ASPH: variants seen among roughly 807,000 people sequenced by gnomAD.
The protein encoded by ASPH is aspartate beta-hydroxylase, also known as aspartyl/asparaginyl beta-hydroxylase.
In ASPH, 100 loss-of-function variants were observed where a neutral mutation model predicts 118.4. The observed-to-expected ratio is 0.84, with a 90% CI of 0.72 to 1.00. ASPH has a LOEUF of 1.00. Among genes scored for constraint, ASPH ranks in the 50% least tolerant of loss-of-function variants. ASPH has a pLI of 0.00. For synonymous variants in ASPH, 315 were observed against 325.6 expected (o/e 0.97, Z 0.35); for missense variants, 920 against 919.5 (o/e 1.00, Z -0.01).
intron 21 of ASPH, among the ~76,000 whole-genome samples, chr8:61,529,543 C>A (rs1435703521): frequency 6.6e-6 from 1 of 152,182 alleles, no homozygotes; most frequent in African/African-American, 2.4e-5. Flanking sequence ...GGGGGGAAAT[C>A]CGGGATGGGA....
chr8:61,669,932 C>T (rs1295384027), intron 3 of ASPH, among the ~76,000 whole-genome samples: 1 of 152,140 alleles, frequency 6.6e-6, no homozygotes, highest in Non-Finnish European at 1.5e-5. Context: ...CAGTGCTGTG[C>T]TTTATTTTAA....
chr8:61,682,517 T>C, intron 2 of ASPH: 1 of 1,588,044 alleles, frequency 6.3e-7, no homozygotes, highest in East Asian at 2.2e-5. Flanking sequence ...AACTGTTATT[T>C]GTGCTTAAAG....
At chr8:61,646,473 C>T (rs1196047023) in intron 6 of ASPH, among the ~76,000 whole-genome samples, 1 of 152,042 alleles carries the variant, frequency 6.6e-6, no homozygotes, top group Non-Finnish European at 1.5e-5. Flanking sequence ...CAAATAGCAC[C>T]CTAAGCAGAA....
intron 14 of ASPH, among the ~76,000 whole-genome samples, chr8:61,616,076 A>C (rs1588129652): frequency 6.6e-6 from 1 of 152,190 alleles, no homozygotes; most frequent in Non-Finnish European, 1.5e-5. Flanking sequence ...TTAATAAAAT[A>C]CTTTAGTTAC....
Position 61,503,474 on chromosome 8 carries a change from T to C in ASPH, c.2162A>G (p.Asp721Gly). 1 of 1,612,046 alleles carries C rather than the reference T, an allele frequency of 6.2e-7. No homozygotes were observed. Among genetic ancestry groups the C allele is most frequent in the East Asian group, 2.2e-5 (1 of 44,722 alleles). The change falls in exon 25 of 25, where the codon GAC becomes GGC. Residue 721 changes from aspartate to glycine, a missense_variant. By Grantham distance (94) the Asp-to-Gly change is moderately conservative (BLOSUM62 -1). Transcript: ENST00000379454. ...CTGCCATACCTCGTGCTCAAAGGAGTCATCAAAGATGAGCACCTTGCCTTC... is the reference window on the plus strand; with the variant it reads ...CTGCCATACCTCGTGCTCAAAGGAGCCATCAAAGATGAGCACCTTGCCTTC... Reference protein sequence around the residue: ...WEEGKVLIFDDSFEHEVWQDA... With the variant: ...WEEGKVLIFDGSFEHEVWQDA...
chr8:61,594,378 T>G (rs571977420), intron 14 of ASPH, among the ~76,000 whole-genome samples: 1 of 152,344 alleles, frequency 6.6e-6, no homozygotes, highest in African/African-American at 2.4e-5. Context: ...CCCAGTGATG[T>G]CAAATGAAAT....
rs541730756 is a variant in ASPH at position 61,556,104 on chromosome 8, C to G, written c.1438-82G>C. The stretch of plus-strand genomic sequence containing the variant: ...AAAATTCTACAGATGACTGTCAAAA[C>G]CAGTTTTAATTAGCTTTGTTGTACT... On this transcript the variant is annotated intron_variant, in intron 18 of 24. Coordinates refer to ENST00000379454, the MANE Select transcript of ASPH (RefSeq NM_004318.4). 71 of 1,209,078 alleles carry G rather than the reference C, an allele frequency of 5.9e-5. No individual in the cohort carries two copies. The African/African-American group carries it at 9.1e-4, about 15-fold the overall frequency. The allele number at this position is 1,209,078 out of a possible 1,614,324, so 74.9% of individuals were successfully genotyped here. A position where few individuals can be genotyped will look rare whatever the true frequency, so the allele number is the denominator to read the frequency against.
chr8:61,567,503 T>C (rs1048053658), intron 16 of ASPH, among the ~76,000 whole-genome samples, 185 bp from the exon 17 acceptor site: 1 of 152,210 alleles, frequency 6.6e-6, no homozygotes, highest in Non-Finnish European at 1.5e-5. Context: ...ACTATTTTAA[T>C]AATACAAGGT....
chr8:61,682,602 G>A, intron 2 of ASPH: 1 of 921,932 alleles, frequency 1.1e-6, no homozygotes, highest in Non-Finnish European at 1.7e-6. Context: ...TCAAAGCATA[G>A]ATCTACTCAG....
chr8:61,688,711 TG>T (rs1159054585), intron 1 of ASPH, among the ~76,000 whole-genome samples: 1 of 152,206 alleles, frequency 6.6e-6, no homozygotes, highest in African/African-American at 2.4e-5. Context: ...TGTCACCCTT[TG>T]GGAATCAAAA....
intron 3 of ASPH, among the ~76,000 whole-genome samples, chr8:61,670,879 G>GGAAAGCA (rs1242953302): frequency 6.6e-6 from 1 of 151,898 alleles, no homozygotes; most frequent in African/African-American, 2.4e-5. Flanking sequence ...GATTATCTTA[G>GGAAAGCA]GAAAGCAGAA....
chr8:61,682,364 A>G lies in ASPH; in HGVS notation c.254-1328T>C, dbSNP rs144023163. ...CACTTATATTCTGATGTAGATAATAATTAAATTAGTAGAAAAAGGATGAGC... is the reference window on the plus strand; with the variant it reads ...CACTTATATTCTGATGTAGATAATAGTTAAATTAGTAGAAAAAGGATGAGC... On this transcript the variant is annotated intron_variant, in intron 2 of 24. Coordinates refer to ENST00000379454, the MANE Select transcript of ASPH (RefSeq NM_004318.4). The G allele has an allele frequency of 1.1e-4, 158 of 1,450,888 alleles. 1 individual carries two copies. The African/African-American group carries it at 2.0e-3, about 18-fold the overall frequency. The allele number at this position is 1,450,888 out of a possible 1,614,324, so 89.9% of individuals were successfully genotyped here.
At chr8:61,592,007 G>A (rs952700105) in intron 14 of ASPH, among the ~76,000 whole-genome samples, 4 of 152,326 alleles carry the variant, frequency 2.6e-5, no homozygotes, top group South Asian at 2.1e-4. Flanking sequence ...GTCTCAAGAC[G>A]TAGCATTTAG....
Position 61,714,438 on chromosome 8 carries a change from C to A in ASPH, c.-67G>T. Reference sequence around the variant, plus strand: ...TCAGTGCGCGGGGGTACACACGCGACGCGGGAACCGCTGGCGGCGGCGGGC... The same window carrying A: ...TCAGTGCGCGGGGGTACACACGCGAAGCGGGAACCGCTGGCGGCGGCGGGC... On this transcript the variant is annotated 5_prime_UTR_variant, in exon 1 of 25. Transcript: ENST00000379454. 1 of 1,364,572 alleles carries A rather than the reference C, an allele frequency of 7.3e-7. No homozygotes were observed. The highest frequency in any genetic ancestry group is 3.1e-5 in the East Asian group (1 of 32,308). The allele number at this position is 1,364,572 out of a possible 1,614,324, so 84.5% of individuals were successfully genotyped here.
chr8:61,645,528 AC>A (rs1159176369), intron 6 of ASPH, among the ~76,000 whole-genome samples: 1 of 152,198 alleles, frequency 6.6e-6, no homozygotes, highest in Non-Finnish European at 1.5e-5. Context: ...GAAACTGGAA[AC>A]CTTGTCCCAA....
At chr8:61,608,626 A>C (rs963403548) in intron 14 of ASPH, among the ~76,000 whole-genome samples, 1 of 152,228 alleles carries the variant, frequency 6.6e-6, no homozygotes, top group African/African-American at 2.4e-5. Context: ...ATGATTTCTG[A>C]ATCAGGTGAT....
At chr8:61,603,660 T>A (rs1179532771) in intron 14 of ASPH, among the ~76,000 whole-genome samples, 3 of 152,210 alleles carry the variant, frequency 2.0e-5, no homozygotes, top group African/African-American at 4.8e-5. Flanking sequence ...GCCTCACAGG[T>A]ATTATGCTAA....
chr8:61,653,693 T>C (rs1218056570), intron 3 of ASPH, 33 bp from the exon 4 acceptor site: 2 of 1,600,448 alleles, frequency 1.2e-6, no homozygotes, highest in South Asian at 2.2e-5. Context: ...TTAACTTGAG[T>C]TTTTGTGGGG....
chr8:61,632,607 A>G (rs759920361), intron 13 of ASPH: 77 of 471,142 alleles, frequency 1.6e-4, no homozygotes, highest in Non-Finnish European at 2.2e-4. Flanking sequence ...TTCTCCATGG[A>G]CTGCTTTTCT....
Sources: allele counts gnomAD v4.1 joint callset (sites outside exome capture counted in the v4.1 genomes callset), GRCh38; gene constraint gnomAD v4.1.1; transcripts MANE v1.5; gene names NCBI Gene and HGNC (gene_info 2026-07-23, HGNC 2026-07-21).